FGD3: variants seen among roughly 807,000 people sequenced by gnomAD.
FGD3 encodes FYVE, RhoGEF and PH domain-containing protein 3.
A neutral mutation model predicts 71.8 loss-of-function variants in FGD3; 45 were observed. The observed-to-expected ratio is 0.63, with a 90% CI of 0.49 to 0.80. FGD3 has a LOEUF of 0.80. Among genes scored for constraint, FGD3 ranks in the 30% least tolerant of loss-of-function variants. The pLI is 0.00. For synonymous variants in FGD3, 378 were observed against 392.8 expected (o/e 0.96, Z 0.44); for missense variants, 844 against 951.5 (o/e 0.89, Z 1.49).
chr9:92,971,093 TA>T (rs1859512339), intron 1 of FGD3, among the ~76,000 whole-genome samples: 1 of 152,192 alleles, frequency 6.6e-6, no homozygotes, highest in Admixed American at 6.5e-5. Context: ...AAGGGCACCC[TA>T]AAAACCTCAC....
intron 16 of FGD3, 94 bp from the exon 17 acceptor site, chr9:93,034,447 C>T (rs571979214): frequency 1.9e-4 from 276 of 1,456,806 alleles, no homozygotes; most frequent in Non-Finnish European, 2.3e-4. Context: ...CCAGCTCCCC[C>T]CAAGCAGTGG....
intron 3 of FGD3, among the ~76,000 whole-genome samples, chr9:92,988,242 A>C (rs1860264360): frequency 6.6e-6 from 1 of 152,184 alleles, no homozygotes; most frequent in Non-Finnish European, 1.5e-5. Flanking sequence ...TCTCCCCTGC[A>C]TAAGGCTCCA....
intron 6 of FGD3, among the ~76,000 whole-genome samples, chr9:93,006,777 A>G (rs1312526386): frequency 2.0e-5 from 3 of 150,352 alleles, no homozygotes. Context: ...CCCAGGCTGG[A>G]GTGTAGTGGC....
chr9:92,952,836 T>C (rs1174270157), intron 1 of FGD3, among the ~76,000 whole-genome samples: 1 of 152,178 alleles, frequency 6.6e-6, no homozygotes, highest in East Asian at 1.9e-4. Context: ...GTTCTAAGCT[T>C]TCTGATTACT....
rs41273404 is a variant in FGD3, at chr9:93,015,833, G to A, written c.1275+4G>A. On this transcript the variant is annotated splice_donor_region_variant and intron_variant, in intron 10 of 17. Coordinates refer to ENST00000375482, the MANE Select transcript of FGD3 (RefSeq NM_001083536.2). ...GATGGACATCTCAGGCCTCCAGGTGGGTGAGCTCCTCCATCTCAAACCTGT... is the reference window on the plus strand; with the variant it reads ...GATGGACATCTCAGGCCTCCAGGTGAGTGAGCTCCTCCATCTCAAACCTGT... 2 of 1,613,712 alleles carry A rather than the reference G, an allele frequency of 1.2e-6. No individual in the cohort carries two copies. Among genetic ancestry groups the A allele is most frequent in the South Asian group, 2.2e-5 (2 of 91,088 alleles).
chr9:92,966,518 T>C (rs1021008719), intron 1 of FGD3, among the ~76,000 whole-genome samples: 1 of 152,160 alleles, frequency 6.6e-6, no homozygotes, highest in Non-Finnish European at 1.5e-5. Flanking sequence ...TGCCACAAGG[T>C]GTGCTGTCCC....
intron 9 of FGD3, 43 bp from the exon 10 acceptor site, chr9:93,015,694 T>C: frequency 1.9e-6 from 3 of 1,557,870 alleles, no homozygotes; most frequent in Non-Finnish European, 2.7e-6. Context: ...TGGGGGGACC[T>C]GCGGGCAGCT....
chr9:92,984,696 A>G (rs568038176), intron 3 of FGD3, among the ~76,000 whole-genome samples: 1 of 152,358 alleles, frequency 6.6e-6, no homozygotes, highest in Non-Finnish European at 1.5e-5. Context: ...ACACCCATCT[A>G]GGAAAGTATA....
At chr9:92,947,813 T>A (rs1858883674) in intron 1 of FGD3, 84 bp downstream of exon 1, 1 of 152,534 alleles carries the variant, frequency 6.6e-6, no homozygotes, top group African/African-American at 2.4e-5. Context: ...TTTTTCTGGG[T>A]GTCTGCGGCT....
intron 5 of FGD3, among the ~76,000 whole-genome samples, chr9:93,005,636 A>G (rs12685670): frequency 0.69 from 104,352 of 152,116 alleles, 37,211 homozygotes; most frequent in African/African-American, 0.89. Flanking sequence ...CCAGGACTTC[A>G]CCAGCATTGG....
intron 14 of FGD3, among the ~76,000 whole-genome samples, chr9:93,027,373 G>A (rs1862152693): frequency 1.3e-5 from 2 of 152,176 alleles, no homozygotes; most frequent in South Asian, 2.1e-4. Context: ...GGTAGGGTTG[G>A]TTTATCCTGA....
chr9:93,004,124 A>G lies in FGD3; in HGVS notation c.667A>G (p.Ile223Val). The G allele has an allele frequency of 6.2e-7, 1 of 1,613,994 alleles. No individual in the cohort carries two copies. The highest frequency in any genetic ancestry group is 8.5e-7 in the Non-Finnish European group (1 of 1,180,036). ...CCTGCTGCCGGAGCTGAAGACGCGG[A>G]TCACGGAGGAGTGGTGAGTACCATC... ...QFLLPELKTRITEEWDTNPRL... is the reference protein window; with the variant it reads ...QFLLPELKTRVTEEWDTNPRL... The change falls in exon 5 of 18, where the codon ATC (isoleucine) becomes GTC (valine). Residue 223 changes from isoleucine (I) to valine (V), a missense_variant. Ile to Val is a conservative substitution (Grantham distance 29, BLOSUM62 3). Coordinates refer to ENST00000375482, the MANE Select transcript of FGD3 (RefSeq NM_001083536.2).
At chr9:93,031,685 A>G (rs994179593) in intron 15 of FGD3, among the ~76,000 whole-genome samples, 1 of 152,180 alleles carries the variant, frequency 6.6e-6, no homozygotes, top group Non-Finnish European at 1.5e-5. Context: ...TTTGAGTGCC[A>G]TGGTCCCTTA....
At chr9:93,028,596 A>T (rs1862225265) in intron 14 of FGD3, among the ~76,000 whole-genome samples, 1 of 152,206 alleles carries the variant, frequency 6.6e-6, no homozygotes, top group Non-Finnish European at 1.5e-5. Flanking sequence ...TATTTCATCA[A>T]ATGATGGGGC....
chr9:93,020,455 C>A, intron 13 of FGD3, 31 bp downstream of exon 13: 1 of 1,586,500 alleles, frequency 6.3e-7, no homozygotes, highest in Non-Finnish European at 8.6e-7. Flanking sequence ...GCAGAGAGAC[C>A]TCCAGGGGAC....
rs746516474 is a variant in FGD3, at chr9:93,010,317, C to T, written c.909C>T (p.Tyr303=). The change falls in exon 7 of 18, where the codon TAC becomes TAT. Residue 303 remains tyrosine (Y), a synonymous_variant. Coordinates refer to ENST00000375482, the MANE Select transcript of FGD3 (RefSeq NM_001083536.2). ...MLEPVQRVPR[Y]ELLLKDYLKR... ...AGCCCGTGCAGAGGGTCCCCCGGTA[C>T]GAGCTGCTGCTCAAGGACTATCTGA... 1.9e-5 allele frequency: 31 copies of T among 1,613,610 alleles called. No homozygotes were observed. The highest frequency in any genetic ancestry group is 3.3e-4 in the Middle Eastern group (2 of 6,058).
chr9:92,955,614 G>T (rs1184087496), intron 1 of FGD3, among the ~76,000 whole-genome samples: 1 of 152,184 alleles, frequency 6.6e-6, no homozygotes, highest in Non-Finnish European at 1.5e-5. Flanking sequence ...TTTCCCAGTG[G>T]TAACAGCTTG....
In FGD3 at chr9:93,011,209, T is replaced by C. The variant is rs1861351166; in HGVS notation, c.977-5T>C. ...CCCAGGCTGAACACAGTCTTCTTCC[T>C]GCAGGGTCCTTGGAGCTCATCTCCA... On this transcript the variant is annotated splice_polypyrimidine_tract_variant and splice_region_variant and intron_variant, in intron 7 of 17. Transcript: ENST00000375482. 6.2e-7 allele frequency: 1 copy of C among 1,614,106 alleles called. No homozygotes were observed. Among genetic ancestry groups the C allele is most frequent in the Admixed American group, 1.7e-5 (1 of 60,018 alleles).
At chr9:93,029,713 G>A (rs546176413) in intron 14 of FGD3, among the ~76,000 whole-genome samples, 161 bp from the exon 15 acceptor site, 187 of 152,354 alleles carry the variant, frequency 1.2e-3, no homozygotes, top group African/African-American at 4.2e-3. Flanking sequence ...GAAGAGAGAC[G>A]TGGCTGACTT....
Sources: gnomAD v4.1 joint callset for allele counts (sites outside exome capture counted in the v4.1 genomes callset) on GRCh38, gnomAD v4.1.1 for gene constraint, MANE v1.5 for transcripts, NCBI Gene and HGNC (gene_info 2026-07-23, HGNC 2026-07-21) for gene names.